Variants in PHLPP1 observed in about 807,000 individuals in gnomAD.
PHLPP1 encodes PH domain and leucine rich repeat protein phosphatase 1, also known as PH domain leucine-rich repeat-containing protein phosphatase 1.
Under a neutral mutation model 117.2 loss-of-function variants are expected in PHLPP1, and 42 were observed. The ratio of observed to expected loss-of-function variants is 0.36; its 90% confidence interval spans 0.28 to 0.46. The LOEUF is 0.46. PHLPP1 is among the 20% of genes least tolerant of loss of function. The pLI, the probability that PHLPP1 is intolerant of heterozygous loss-of-function variation, is 1.00. For missense variants in PHLPP1, 2,084 were observed against 2,241.9 expected (o/e 0.93, Z 1.42); for synonymous variants, 1,042 against 970.7 (o/e 1.07, Z -1.37).
chr18:62,775,407 A>C (rs1414202033), intron 1 of PHLPP1, among the ~76,000 whole-genome samples: 1 of 152,166 alleles, frequency 6.6e-6, no homozygotes, highest in African/African-American at 2.4e-5. Context: ...CCCACTAATA[A>C]GACATTCCTT....
intron 4 of PHLPP1, among the ~76,000 whole-genome samples, chr18:62,887,580 A>C (rs539719729): frequency 6.6e-6 from 1 of 152,200 alleles, no homozygotes; most frequent in Non-Finnish European, 1.5e-5. Flanking sequence ...ACGTGGCTGA[A>C]GGGGCAAGGC....
chr18:62,856,867 TCA>T (rs376390963), intron 3 of PHLPP1, among the ~76,000 whole-genome samples: 316 of 152,282 alleles, frequency 2.1e-3, no homozygotes, highest in African/African-American at 7.3e-3. Flanking sequence ...GGCACCACTC[TCA>T]CCAACCTATT....
intron 4 of PHLPP1, among the ~76,000 whole-genome samples, chr18:62,890,401 G>C (rs1381433015): frequency 6.6e-6 from 1 of 151,968 alleles, no homozygotes; most frequent in African/African-American, 2.4e-5. Context: ...CGAGTAGCTG[G>C]ACTACAGGCA....
chr18:62,876,807 A>AT (rs1916060434), intron 4 of PHLPP1, among the ~76,000 whole-genome samples: 1 of 152,202 alleles, frequency 6.6e-6, no homozygotes, highest in Non-Finnish European at 1.5e-5. Context: ...TGTGGTATAA[A>AT]TTGAGTAAGT....
chr18:62,821,792 C>T (rs1914466295), intron 1 of PHLPP1, among the ~76,000 whole-genome samples: 1 of 149,602 alleles, frequency 6.7e-6, no homozygotes, highest in African/African-American at 2.5e-5. Context: ...TGCTCTGTCT[C>T]CTGGGCTGGA....
At chr18:62,787,306 A>G (rs141869905) in intron 1 of PHLPP1, among the ~76,000 whole-genome samples, 55 of 152,264 alleles carry the variant, frequency 3.6e-4, no homozygotes, top group African/African-American at 9.9e-4. Flanking sequence ...AGCTGGGACT[A>G]CAGGCACGTG....
At chr18:62,832,577 G>A (rs914198228) in intron 2 of PHLPP1, among the ~76,000 whole-genome samples, 37 of 152,176 alleles carry the variant, frequency 2.4e-4, no homozygotes, top group African/African-American at 8.9e-4. Context: ...TGAATTGAAA[G>A]TTAATAGCTT....
At chr18:62,764,768 C>A (rs1912407830) in intron 1 of PHLPP1, among the ~76,000 whole-genome samples, 1 of 152,224 alleles carries the variant, frequency 6.6e-6, no homozygotes, top group Admixed American at 6.5e-5. Context: ...AAGCATGCAG[C>A]AGATGTGATG....
intron 11 of PHLPP1, among the ~76,000 whole-genome samples, chr18:62,943,365 A>C (rs79610461): frequency 0.066 from 10,075 of 152,242 alleles, 473 homozygotes; most frequent in Non-Finnish European, 0.098. Context: ...GAATTAAAGA[A>C]CGGGACCACC....
intron 4 of PHLPP1, among the ~76,000 whole-genome samples, chr18:62,869,969 T>C (rs1338501727): frequency 6.6e-6 from 1 of 152,230 alleles, no homozygotes; most frequent in Non-Finnish European, 1.5e-5. Context: ...CTCGGCTTAC[T>C]GCAACCTCTG....
intron 1 of PHLPP1, among the ~76,000 whole-genome samples, chr18:62,759,868 G>C (rs1912157334): frequency 6.6e-6 from 1 of 151,868 alleles, no homozygotes; most frequent in South Asian, 2.1e-4. Flanking sequence ...CTCTTTCTTT[G>C]GGAAATAGAA....
intron 1 of PHLPP1, among the ~76,000 whole-genome samples, chr18:62,769,619 T>A (rs1204132095): frequency 2.6e-5 from 4 of 152,230 alleles, no homozygotes; most frequent in African/African-American, 9.6e-5. Flanking sequence ...CAATGGCTCT[T>A]TTGTAATGTT....
intron 1 of PHLPP1, among the ~76,000 whole-genome samples, chr18:62,719,495 C>T (rs1910854695): frequency 1.3e-5 from 2 of 152,110 alleles, no homozygotes; most frequent in South Asian, 4.1e-4. Context: ...AGGTTTGCAC[C>T]AGGCTGGAAG....
intron 4 of PHLPP1, among the ~76,000 whole-genome samples, chr18:62,884,551 G>A (rs1209952281): frequency 6.6e-6 from 1 of 152,244 alleles, no homozygotes; most frequent in Non-Finnish European, 1.5e-5. Flanking sequence ...TTGATGCAAA[G>A]TAGGGGGCAG....
chr18:62,923,213 G>A (rs138847530), intron 10 of PHLPP1, among the ~76,000 whole-genome samples: 26 of 152,338 alleles, frequency 1.7e-4, no homozygotes, highest in African/African-American at 6.3e-4. Context: ...GCCAGCCTTT[G>A]GAGGCTGCGA....
At chr18:62,727,686 G>T (rs1911117215) in intron 1 of PHLPP1, among the ~76,000 whole-genome samples, 1 of 151,920 alleles carries the variant, frequency 6.6e-6, no homozygotes, top group South Asian at 2.1e-4. Context: ...TAACTGGCAG[G>T]CTGGGGATTA....
intron 1 of PHLPP1, among the ~76,000 whole-genome samples, chr18:62,748,542 C>T (rs924715223): frequency 6.6e-6 from 1 of 152,102 alleles, no homozygotes; most frequent in Non-Finnish European, 1.5e-5. Flanking sequence ...CACCACGCCC[C>T]GCCCAAATTC....
At chr18:62,826,113 T>C (rs1914606358) in intron 1 of PHLPP1, 1 of 226,496 alleles carries the variant, frequency 4.4e-6, no homozygotes, top group Non-Finnish European at 9.1e-6. Flanking sequence ...ATAAATCTAC[T>C]ACAGTTATCT....
At chr18:62,724,042 G>A (rs1437127153) in intron 1 of PHLPP1, among the ~76,000 whole-genome samples, 1 of 152,050 alleles carries the variant, frequency 6.6e-6, no homozygotes, top group Admixed American at 6.5e-5. Context: ...TTATGGACTT[G>A]GACCTAATGT....
Sources: gnomAD v4.1 joint callset for allele counts (sites outside exome capture counted in the v4.1 genomes callset) on GRCh38, gnomAD v4.1.1 for gene constraint, MANE v1.5 for transcripts, NCBI Gene and HGNC (gene_info 2026-07-23, HGNC 2026-07-21) for gene names.